The following ERC1 variants were observed in gnomAD, a reference collection of about 807,000 sequenced individuals.
ERC1 encodes ELKS/RAB6-interacting/CAST family member 1.
Under a neutral mutation model 132.0 loss-of-function variants are expected in ERC1, and 56 were observed. The ratio of observed to expected loss-of-function variants is 0.42; its 90% CI spans 0.34 to 0.53. The LOEUF (loss-of-function observed/expected upper bound fraction) is 0.53, where lower values mean the gene tolerates loss of function less well. ERC1 is among the 20% of genes least tolerant of loss of function. The pLI, the probability that ERC1 is intolerant of heterozygous loss-of-function variation, is 0.03. For synonymous variants in ERC1, 478 were observed against 476.1 expected, an observed-to-expected ratio of 1.00 and a Z score of -0.05; for missense variants, 1,202 against 1,349.9, an observed-to-expected ratio of 0.89 and a Z score of 1.72.
chr12:1,027,043 T>G (rs1298895686), intron 1 of ERC1, among the ~76,000 whole-genome samples: 3 of 152,328 alleles, frequency 2.0e-5, no homozygotes, highest in East Asian at 3.9e-4. Context: ...TAACTTTGTT[T>G]AGGTGTTCTT....
Position 1,312,474 on chromosome 12 carries a change from T to C in ERC1, c.2780+22462T>C, listed in dbSNP as rs1401539371. ...CCCGGGTTTGAGTGATTCTCATGCC[T>C]CAGTTTCCCGAGTAGTTGGGATTAT... is the stretch of plus-strand genomic sequence containing the variant. On this transcript the variant is annotated intron_variant, in intron 15 of 18. Transcript: ENST00000360905. Among the ~76,000 whole-genome samples, 3 of 152,120 alleles carry C rather than the reference T, an allele frequency of 2.0e-5. No homozygotes were observed. In the East Asian group the frequency reaches 5.8e-4, roughly 29 times the overall value.
chr12:1,355,119 T>A (rs927596994), intron 15 of ERC1, among the ~76,000 whole-genome samples: 10 of 152,146 alleles, frequency 6.6e-5, no homozygotes, highest in African/African-American at 2.4e-4. Flanking sequence ...CTGGGCTCTG[T>A]GGGCCATTTG....
chr12:1,213,634 G>A (rs527735523), intron 12 of ERC1, among the ~76,000 whole-genome samples: 3 of 151,884 alleles, frequency 2.0e-5, no homozygotes, highest in Admixed American at 6.6e-5. Context: ...CTACTTGGGA[G>A]GCTGAGGCAG....
At chr12:1,199,296 A>C (rs921314012) in intron 12 of ERC1, among the ~76,000 whole-genome samples, 2 of 152,252 alleles carry the variant, frequency 1.3e-5, no homozygotes, top group African/African-American at 2.4e-5. Context: ...ACAGTTCAAC[A>C]TGAGATTTGG....
chr12:1,051,143 T>A (rs1971885300), intron 2 of ERC1, among the ~76,000 whole-genome samples: 1 of 152,224 alleles, frequency 6.6e-6, no homozygotes, highest in Admixed American at 6.5e-5. Context: ...TCACTTAGAT[T>A]GCATGATTTT....
chr12:1,458,290 A>G (rs1421854967), intron 18 of ERC1, among the ~76,000 whole-genome samples: 1 of 152,224 alleles, frequency 6.6e-6, no homozygotes, highest in East Asian at 1.9e-4. Context: ...ATACCAGGAG[A>G]TCAAGCAAAT....
Position 1,180,666 on chromosome 12 carries a change from C to T in ERC1, c.1864C>T (p.Leu622Phe), listed in dbSNP as rs775107401. 2.5e-6 allele frequency: 4 copies of T among 1,613,914 alleles called. No homozygotes were observed. In the African/African-American group the frequency reaches 4.0e-5, roughly 16 times the overall value. The stretch of plus-strand genomic sequence containing the variant: ...TGCCTTGACAACTTTGGAGGAGGCC[C>T]TTGCAGAGAAAGTGAGTGGCTGGCC... ...DTALTTLEEA[L>F]AEKERTIERL... Residue 622 changes from leucine (L) to phenylalanine (F), a missense_variant, in exon 9 of 19, where the codon CTT (leucine) becomes TTT (phenylalanine). Physicochemically the swap from Leu to Phe is conservative, Grantham distance 22. Transcript: ENST00000360905.
intron 16 of ERC1, among the ~76,000 whole-genome samples, chr12:1,383,134 G>A (rs1451417859): frequency 6.6e-6 from 1 of 152,118 alleles, no homozygotes; most frequent in South Asian, 2.1e-4. Flanking sequence ...TGATGCCACA[G>A]GGAATTAATT....
rs1565540690 is a variant in ERC1, at chr12:1,488,159, A to AG, written c.3214-1934_3214-1933insG. Among the ~76,000 whole-genome samples, 1,441 of 151,134 alleles carry AG rather than the reference A, an allele frequency of 9.5e-3. 19 individuals are homozygous for AG. The highest frequency in any genetic ancestry group is 0.032 in the African/African-American group (1,291 of 40,952). On this transcript the variant is annotated intron_variant, in intron 18 of 18. Coordinates refer to ENST00000360905, the MANE Select transcript of ERC1 (RefSeq NM_178040.4). The stretch of plus-strand genomic sequence containing the variant: ...GTCTCAGAAAAAAAAAAAAAAAAAA[A>AG]AAAGATAGATGGGGTCTCACTACCT...
chr12:1,195,936 G>C (rs1956189835), intron 12 of ERC1, among the ~76,000 whole-genome samples: 1 of 138,230 alleles, frequency 7.2e-6, no homozygotes, highest in Non-Finnish European at 1.5e-5. Context: ...AAGTTTTTTG[G>C]TAAGTCAAAT....
At chr12:1,009,261 G>A (rs774271092) in intron 1 of ERC1, among the ~76,000 whole-genome samples, 3 of 150,994 alleles carry the variant, frequency 2.0e-5, no homozygotes, top group Admixed American at 6.6e-5. Flanking sequence ...TGCAAGCTCC[G>A]CCTCCCGGGT....
intron 1 of ERC1, among the ~76,000 whole-genome samples, chr12:1,004,834 G>C (rs1264980273): frequency 5.0e-5 from 7 of 141,328 alleles, no homozygotes; most frequent in African/African-American, 1.5e-4. Context: ...GTGTGTGTGT[G>C]TGTGTGTGTG....
intron 15 of ERC1, among the ~76,000 whole-genome samples, chr12:1,364,236 A>G (rs990071336): frequency 6.6e-6 from 1 of 152,116 alleles, no homozygotes; most frequent in African/African-American, 2.4e-5. Flanking sequence ...TAAGATTTTT[A>G]CTTCTAACAC....
rs1566011437 is a variant in ERC1 at position 1,121,649 on chromosome 12, C to CTCTATCTCTATCTCTATCTCTATCTCTA, written c.1569+5648_1569+5675dup. 2.0e-4 allele frequency among the ~76,000 whole-genome samples: 3 copies of CTCTATCTCTATCTCTATCTCTATCTCTA among 14,984 alleles called. 1 individual carries two copies. Among genetic ancestry groups the CTCTATCTCTATCTCTATCTCTATCTCTA allele is most frequent in the African/African-American group, 3.7e-4 (3 of 8,156 alleles). The allele number at this position is 14,984 out of a possible 152,430, so 9.8% of individuals were successfully genotyped here. ...TGAAACAAAGGCTGATGATCTCTAT[C>CTCTATCTCTATCTCTATCTCTATCTCTA]TCTATCTCTATCTCTATCTCTATCT... On this transcript the variant is annotated intron_variant, in intron 7 of 18. Transcript: ENST00000360905.
chr12:1,139,490 A>G (rs1024884828), intron 7 of ERC1, among the ~76,000 whole-genome samples: 1 of 152,180 alleles, frequency 6.6e-6, no homozygotes, highest in African/African-American at 2.4e-5. Context: ...ATTAAATGTT[A>G]TTATGTAATA....
intron 18 of ERC1, among the ~76,000 whole-genome samples, chr12:1,472,258 T>G (rs770305497): frequency 5.3e-5 from 8 of 152,376 alleles, no homozygotes; most frequent in Non-Finnish European, 1.2e-4. Flanking sequence ...TGCAGAGTTT[T>G]CAGTGCCATA....
Position 1,083,209 on chromosome 12 carries a change from C to T in ERC1, c.715C>T (p.Gln239Ter). 1.2e-6 allele frequency: 2 copies of T among 1,614,056 alleles called. No individual in the cohort carries two copies. The highest frequency in any genetic ancestry group is 8.5e-7 in the Non-Finnish European group (1 of 1,179,978). The change falls in exon 3 of 19, where the codon CAG (glutamine) becomes TAG (stop). Residue 239 changes from glutamine (Q) to a stop codon, truncating the protein, a stop_gained. Coordinates refer to ENST00000360905, the MANE Select transcript of ERC1 (RefSeq NM_178040.4). LOFTEE classifies it high-confidence loss of function. ...IQALQDELRI[Q>*]RDLNQLFQQD... ...GGCTCTCCAGGATGAATTGCGGATC[C>T]AGAGGGACCTGAATCAGCTGTTTCA...
At chr12:1,218,500 C>A (rs1006443331) in intron 12 of ERC1, among the ~76,000 whole-genome samples, 1 of 152,150 alleles carries the variant, frequency 6.6e-6, no homozygotes, top group African/African-American at 2.4e-5. Flanking sequence ...ACTGTAGTTG[C>A]TATCTGCCTT....
intron 18 of ERC1, among the ~76,000 whole-genome samples, chr12:1,452,337 T>A (rs1255187132): frequency 6.6e-6 from 1 of 152,194 alleles, no homozygotes; most frequent in Non-Finnish European, 1.5e-5. Flanking sequence ...TACCATGTTC[T>A]TTTTTCTCCT....
Sources: allele counts gnomAD v4.1 joint callset (sites outside exome capture counted in the v4.1 genomes callset), GRCh38; gene constraint gnomAD v4.1.1; transcripts MANE v1.5; gene names NCBI Gene and HGNC (gene_info 2026-07-23, HGNC 2026-07-21).